Variants in CCDC178 observed in about 807,000 individuals in gnomAD.
CCDC178 encodes coiled-coil domain containing 178.
CCDC178 carries 126 observed loss-of-function variants against 117.4 expected under a neutral mutation model. The observed-to-expected ratio is 1.07, with a 90% CI of 0.93 to 1.24. The LOEUF (loss-of-function observed/expected upper bound fraction) is 1.24, where lower values mean the gene tolerates loss of function less well. CCDC178 is among the 50% of genes most tolerant of loss of function. The pLI is 0.00. For synonymous variants in CCDC178, 283 were observed against 313.4 expected, an observed-to-expected ratio of 0.90 and a Z score of 1.02; for missense variants, 1,030 against 986.9, an observed-to-expected ratio of 1.04 and a Z score of -0.59.
chr18:33,266,424 G>C lies in CCDC178; in HGVS notation c.1409+492C>G, dbSNP rs899849538. Among the ~76,000 whole-genome samples, 4 of 151,828 alleles carry C rather than the reference G, an allele frequency of 2.6e-5. No homozygotes were observed. In the East Asian group the frequency reaches 7.7e-4, roughly 29 times the overall value. Reference sequence around the variant, plus strand: ...TTGGAACACATCTCCCATGGTTAAGGGGGGGCTACTGTATTTTAAGTTTAA... The same window carrying C: ...TTGGAACACATCTCCCATGGTTAAGCGGGGGCTACTGTATTTTAAGTTTAA... On this transcript the variant is annotated intron_variant, in intron 14 of 22. Transcript: ENST00000383096.
At chr18:33,430,378 A>C (rs1218299202) in intron 2 of CCDC178, among the ~76,000 whole-genome samples, 1 of 152,238 alleles carries the variant, frequency 6.6e-6, no homozygotes, top group African/African-American at 2.4e-5. Flanking sequence ...TAGAAATAAC[A>C]ATATGTGTTC....
intron 3 of CCDC178, among the ~76,000 whole-genome samples, chr18:33,407,334 GA>G (rs1568207191): frequency 1.3e-5 from 2 of 151,908 alleles, no homozygotes; most frequent in Non-Finnish European, 2.9e-5. Flanking sequence ...TATTAAAAAA[GA>G]AAAAAGCCTG....
At chr18:33,398,194 A>T (rs552088551) in intron 3 of CCDC178, among the ~76,000 whole-genome samples, 8 of 152,218 alleles carry the variant, frequency 5.3e-5, no homozygotes, top group African/African-American at 1.7e-4. Flanking sequence ...TATATTTCAA[A>T]GACTGTTGCA....
At chr18:32,983,422 C>T (rs1406789157) in intron 21 of CCDC178, 2 of 859,550 alleles carry the variant, frequency 2.3e-6, no homozygotes, top group East Asian at 2.6e-5. Context: ...TATCTACAAA[C>T]ACAGTCAAAC....
chr18:33,245,507 G>C (rs773060245), intron 14 of CCDC178, 79 bp from the exon 15 acceptor site: 44 of 1,244,602 alleles, frequency 3.5e-5, no homozygotes, highest in Non-Finnish European at 4.5e-5. Flanking sequence ...AAAAGAATAA[G>C]ATCATATTTT....
chr18:33,238,527 C>T (rs1237665811), intron 15 of CCDC178, among the ~76,000 whole-genome samples: 1 of 151,894 alleles, frequency 6.6e-6, no homozygotes, highest in African/African-American at 2.4e-5. Flanking sequence ...GAATCAAGAG[C>T]TTCAATAATA....
intron 20 of CCDC178, among the ~76,000 whole-genome samples, chr18:33,153,572 T>C (rs1384004053): frequency 6.6e-6 from 1 of 152,134 alleles, no homozygotes; most frequent in Non-Finnish European, 1.5e-5. Flanking sequence ...GATTTAAACA[T>C]TTTCAACCTT....
intron 22 of CCDC178, among the ~76,000 whole-genome samples, chr18:32,964,716 C>A (rs1598737684): frequency 6.6e-6 from 1 of 151,896 alleles, no homozygotes; most frequent in East Asian, 1.9e-4. Flanking sequence ...ACCAACTTGT[C>A]AACCCATCTA....
At chr18:33,306,409 T>TC (rs2062249169) in intron 11 of CCDC178, among the ~76,000 whole-genome samples, 1 of 112,150 alleles carries the variant, frequency 8.9e-6, no homozygotes, top group Non-Finnish European at 1.8e-5. Flanking sequence ...AGCTATTGGA[T>TC]CTTTGTGTGT....
chr18:32,991,586 T>A (rs1392166265), intron 21 of CCDC178, among the ~76,000 whole-genome samples: 2 of 152,184 alleles, frequency 1.3e-5, no homozygotes, highest in Non-Finnish European at 2.9e-5. Context: ...TTTTTAACAT[T>A]TGTGCTCTTT....
intron 21 of CCDC178, among the ~76,000 whole-genome samples, chr18:33,042,962 T>G (rs1421774235): frequency 6.6e-6 from 1 of 151,834 alleles, no homozygotes; most frequent in African/African-American, 2.4e-5. Context: ...GAGCATTGGG[T>G]TTCATTAGTG....
chr18:33,179,093 A>ATATATATATATAAAC (rs2058700698), intron 20 of CCDC178, among the ~76,000 whole-genome samples: 3 of 111,574 alleles, frequency 2.7e-5, no homozygotes, highest in Non-Finnish European at 5.1e-5. Flanking sequence ...ATATATATAT[A>ATATATATATATAAAC]TATATATATA....
chr18:32,976,544 C>T (rs569170855), intron 21 of CCDC178, among the ~76,000 whole-genome samples: 48 of 152,118 alleles, frequency 3.2e-4, no homozygotes, highest in African/African-American at 1.1e-3. Context: ...GATATTACTT[C>T]AATTTGAAAC....
intron 2 of CCDC178, among the ~76,000 whole-genome samples, chr18:33,432,467 T>A (rs1314012692): frequency 7.4e-6 from 1 of 134,532 alleles, no homozygotes; most frequent in Non-Finnish European, 1.6e-5. Flanking sequence ...AATTCTCTCA[T>A]GCCTTCTCCA....
Position 33,231,679 on chromosome 18 carries a change from G to C in CCDC178, c.1594-4824C>G, listed in dbSNP as rs118149579. On this transcript the variant is annotated intron_variant, in intron 15 of 22. Transcript: ENST00000383096. ...CGCTGTGTCCTGGTTCCTTGTTCCA[G>C]TGGACCGTTGTTATTTTCTCCATTC... Among the ~76,000 whole-genome samples, 687 of 152,272 alleles carry C rather than the reference G, an allele frequency of 4.5e-3. 1 individual carries two copies. Among genetic ancestry groups the C allele is most frequent in the Non-Finnish European group, 7.6e-3 (516 of 68,016 alleles).
At chr18:33,306,009 C>T (rs1430471484) in intron 11 of CCDC178, among the ~76,000 whole-genome samples, 1 of 152,152 alleles carries the variant, frequency 6.6e-6, no homozygotes, top group Non-Finnish European at 1.5e-5. Context: ...AAATTTAGAG[C>T]TAAAATGATT....
chr18:32,956,086 A>G (rs1281903996), intron 22 of CCDC178, among the ~76,000 whole-genome samples: 1 of 152,052 alleles, frequency 6.6e-6, no homozygotes, highest in Non-Finnish European at 1.5e-5. Flanking sequence ...ACATTCTTCT[A>G]TTTTTCTATT....
At chr18:33,051,854 G>C (rs1464254224) in intron 21 of CCDC178, among the ~76,000 whole-genome samples, 2 of 152,112 alleles carry the variant, frequency 1.3e-5, no homozygotes, top group African/African-American at 2.4e-5. Flanking sequence ...AATCAAATTA[G>C]TATGCAACAT....
intron 21 of CCDC178, among the ~76,000 whole-genome samples, chr18:33,073,228 T>C (rs763610575): frequency 6.6e-6 from 1 of 151,856 alleles, no homozygotes; most frequent in African/African-American, 2.4e-5. Flanking sequence ...TTTTGGAATG[T>C]AGCTTCCCAG....
Sources: gnomAD v4.1 joint callset for allele counts (sites outside exome capture counted in the v4.1 genomes callset) on GRCh38, gnomAD v4.1.1 for gene constraint, MANE v1.5 for transcripts, NCBI Gene and HGNC (gene_info 2026-07-23, HGNC 2026-07-21) for gene names.